TXNDC16: variants seen among roughly 807,000 people sequenced by gnomAD.
TXNDC16 encodes the protein thioredoxin domain-containing protein 16.
Under a neutral mutation model 85.6 loss-of-function variants are expected in TXNDC16, and 74 were observed. The observed-to-expected ratio is 0.86, with a 90% CI of 0.72 to 1.05. The LOEUF (loss-of-function observed/expected upper bound fraction) is 1.05, where lower values mean the gene tolerates loss of function less well. Ranked by LOEUF, TXNDC16 falls within the 50% of genes least tolerant of loss-of-function variation. The pLI, the probability that TXNDC16 is intolerant of heterozygous loss-of-function variation, is 0.00. For synonymous variants in TXNDC16, 335 were observed against 326.5 expected (o/e 1.03, Z -0.28); for missense variants, 959 against 947.0 (o/e 1.01, Z -0.17).
intron 6 of TXNDC16, among the ~76,000 whole-genome samples, chr14:52,522,279 A>G (rs10146450): frequency 0.035 from 5,276 of 152,316 alleles, 273 homozygotes; most frequent in African/African-American, 0.12. Context: ...AATATTTATT[A>G]GGTACTTACC....
chr14:52,461,242 A>G (rs2035645783), intron 16 of TXNDC16, among the ~76,000 whole-genome samples: 1 of 151,746 alleles, frequency 6.6e-6, no homozygotes, highest in Admixed American at 6.6e-5. Context: ...TAGTAACCCA[A>G]ATTTCTAGTA....
chr14:52,521,292 T>TTG (rs1020539627), intron 6 of TXNDC16, among the ~76,000 whole-genome samples: 2 of 150,930 alleles, frequency 1.3e-5, no homozygotes, highest in African/African-American at 4.9e-5. Flanking sequence ...TTTTTTTTTT[T>TTG]TTGTATTTTT....
chr14:52,529,271 G>A (rs1215526681), intron 6 of TXNDC16, among the ~76,000 whole-genome samples: 2 of 145,134 alleles, frequency 1.4e-5, no homozygotes, highest in Admixed American at 7.2e-5. Flanking sequence ...GGTGGGAATT[G>A]AACAATGAGA....
At chr14:52,551,214 T>C (rs1007915922) in intron 1 of TXNDC16, among the ~76,000 whole-genome samples, 10 of 151,220 alleles carry the variant, frequency 6.6e-5, no homozygotes, top group African/African-American at 2.4e-4. Context: ...AAGTTCCCTG[T>C]GGAATACTTA....
chr14:52,449,026 C>G (rs932791047), intron 18 of TXNDC16, among the ~76,000 whole-genome samples: 1 of 151,450 alleles, frequency 6.6e-6, no homozygotes, highest in Admixed American at 6.6e-5. Flanking sequence ...AAAAAGATGA[C>G]AGGAAGGAAG....
chr14:52,451,533 T>C (rs562274452), intron 18 of TXNDC16, among the ~76,000 whole-genome samples: 5 of 152,238 alleles, frequency 3.3e-5, no homozygotes, highest in East Asian at 1.9e-4. Context: ...GATGCGAGGA[T>C]GGTTCAACAT....
chr14:52,440,893 C>A (rs1289874133), intron 18 of TXNDC16, among the ~76,000 whole-genome samples, 169 bp from the exon 19 acceptor site: 1 of 152,140 alleles, frequency 6.6e-6, no homozygotes, highest in Non-Finnish European at 1.5e-5. Flanking sequence ...TCTCAATCGT[C>A]TTATTCAATC....
intron 4 of TXNDC16, 98 bp from the exon 5 acceptor site, chr14:52,537,770 C>A: frequency 1.4e-6 from 1 of 704,244 alleles, no homozygotes; most frequent in Non-Finnish European, 2.4e-6. Flanking sequence ...CAGTTTGTTG[C>A]AGGTCAAATT....
At chr14:52,488,703 G>A (rs980664217) in intron 11 of TXNDC16, among the ~76,000 whole-genome samples, 10 of 151,610 alleles carry the variant, frequency 6.6e-5, no homozygotes, top group East Asian at 2.0e-4. Context: ...GCGTGGTGGC[G>A]CACGCCTGTA....
chr14:52,444,624 G>A (rs1279485057), intron 18 of TXNDC16, among the ~76,000 whole-genome samples: 2 of 152,104 alleles, frequency 1.3e-5, no homozygotes, highest in Non-Finnish European at 2.9e-5. Flanking sequence ...ACTGTAAACA[G>A]ATTTTGATAC....
intron 14 of TXNDC16, among the ~76,000 whole-genome samples, chr14:52,471,450 G>T (rs1385155339): frequency 6.6e-6 from 1 of 152,228 alleles, no homozygotes; most frequent in East Asian, 1.9e-4. Flanking sequence ...CCAACCTTTT[G>T]CAGAATTAAA....
Position 52,484,201 on chromosome 14 carries a change from G to GC in TXNDC16, c.1109-1237_1109-1236insG, listed in dbSNP as rs1024404203. Among the ~76,000 whole-genome samples, 62 of 150,994 alleles carry GC rather than the reference G, an allele frequency of 4.1e-4. No homozygotes were observed. The East Asian group carries it at 7.7e-3, about 19-fold the overall frequency. On this transcript the variant is annotated intron_variant, in intron 12 of 20. Coordinates refer to ENST00000281741, the MANE Select transcript of TXNDC16 (RefSeq NM_020784.3). The stretch of plus-strand genomic sequence containing the variant: ...TTGGATTTGCTACAAAACAATAAGG[G>GC]GGGGGGGTGATTGGAGCAGAATGAG...
intron 18 of TXNDC16, among the ~76,000 whole-genome samples, chr14:52,450,662 G>A (rs1352459644): frequency 6.6e-6 from 1 of 151,944 alleles, no homozygotes; most frequent in East Asian, 1.9e-4. Context: ...ACTGCTGGTG[G>A]GAATGTAAAC....
At chr14:52,488,204 T>C in intron 12 of TXNDC16, among the ~76,000 whole-genome samples, 159 bp downstream of exon 12, 1 of 152,352 alleles carries the variant, frequency 6.6e-6, no homozygotes, top group African/African-American at 2.4e-5. Context: ...TTTCAACAAA[T>C]CAACTTGATA....
At chr14:52,450,148 T>G (rs570911556) in intron 18 of TXNDC16, among the ~76,000 whole-genome samples, 2 of 152,088 alleles carry the variant, frequency 1.3e-5, no homozygotes, top group South Asian at 4.1e-4. Flanking sequence ...AGGAAACAAG[T>G]TGGTTTTCCG....
chr14:52,470,788 A>C (rs1452842981), intron 14 of TXNDC16, 108 bp from the exon 15 acceptor site: 2 of 993,436 alleles, frequency 2.0e-6, no homozygotes, highest in Non-Finnish European at 2.9e-6. Context: ...TCTCAGCATG[A>C]AACACTCCTG....
At chr14:52,523,428 T>C (rs1261465947) in intron 6 of TXNDC16, among the ~76,000 whole-genome samples, 1 of 152,166 alleles carries the variant, frequency 6.6e-6, no homozygotes. Flanking sequence ...ACAATTTTTG[T>C]ATTACATTTC....
chr14:52,488,509 A>G, intron 11 of TXNDC16, 23 bp from the exon 12 acceptor site: 1 of 1,558,004 alleles, frequency 6.4e-7, no homozygotes. Flanking sequence ...TAATTTTTAA[A>G]AAATGAATAT....
At chr14:52,540,624 C>G (rs1488195180) in intron 4 of TXNDC16, among the ~76,000 whole-genome samples, 1 of 150,404 alleles carries the variant, frequency 6.6e-6, no homozygotes, top group African/African-American at 2.4e-5. Flanking sequence ...GACTCGGTCT[C>G]AAAAAAAAGA....
Sources: gnomAD v4.1 joint callset for allele counts (sites outside exome capture counted in the v4.1 genomes callset) on GRCh38, gnomAD v4.1.1 for gene constraint, MANE v1.5 for transcripts, NCBI Gene and HGNC (gene_info 2026-07-23, HGNC 2026-07-21) for gene names.